The following WDR20 variants were observed in gnomAD, a reference collection of about 807,000 sequenced individuals.
WDR20 encodes the protein WD repeat-containing protein 20.
WDR20 carries 3 observed loss-of-function variants against 38.7 expected under a neutral mutation model. The ratio of observed to expected loss-of-function variants is 0.08; its 90% CI spans 0.04 to 0.20. WDR20 has a LOEUF of 0.20. WDR20 is among the 10% of genes least tolerant of loss of function. The probability of loss-of-function intolerance (pLI) is 1.00; values close to 1 mark genes in which losing one functional copy is unlikely to be tolerated. For missense variants in WDR20, 559 were observed against 727.7 expected, an observed-to-expected ratio of 0.77 and a Z score of 2.67; for synonymous variants, 298 against 285.6, an observed-to-expected ratio of 1.04 and a Z score of -0.44.
upstream of WDR20, chr14:102,139,625 G>C (rs1159572333): frequency 7.8e-6 from 5 of 645,082 alleles, no homozygotes; most frequent in South Asian, 1.0e-4. Context: ...CGGTCAACTA[G>C]ACCCCACTAG....
intron 1 of WDR20, among the ~76,000 whole-genome samples, chr14:102,153,009 G>T (rs1467707725): frequency 6.6e-6 from 1 of 152,090 alleles, no homozygotes; most frequent in African/African-American, 2.4e-5. Flanking sequence ...TTGGAGGTGG[G>T]GCCTGGTGGG....
intron 1 of WDR20, among the ~76,000 whole-genome samples, chr14:102,144,857 G>A (rs1057070767): frequency 6.6e-6 from 1 of 152,032 alleles, no homozygotes; most frequent in African/African-American, 2.4e-5. Flanking sequence ...GTGCCACCAT[G>A]CCCAGCTCAT....
At chr14:102,217,610 G>A (rs2063372675), downstream of WDR20, among the ~76,000 whole-genome samples, 1 of 152,164 alleles carries the variant, frequency 6.6e-6, no homozygotes, top group Non-Finnish European at 1.5e-5. Flanking sequence ...TCCCTGGGCT[G>A]GGCCCAGGGT....
chr14:102,142,275 AT>A (rs565281636), intron 1 of WDR20, among the ~76,000 whole-genome samples: 7 of 152,074 alleles, frequency 4.6e-5, no homozygotes, highest in African/African-American at 1.4e-4. Flanking sequence ...TAACTTAAAC[AT>A]TTTTTTCCAT....
intron 1 of WDR20, among the ~76,000 whole-genome samples, chr14:102,192,840 C>T (rs991138962): frequency 6.6e-6 from 1 of 151,972 alleles, no homozygotes; most frequent in African/African-American, 2.4e-5. Context: ...ATTTGTCTTG[C>T]TATGTCATCT....
intron 1 of WDR20, among the ~76,000 whole-genome samples, chr14:102,165,353 T>C (rs1211823844): frequency 6.6e-6 from 1 of 152,210 alleles, no homozygotes; most frequent in Non-Finnish European, 1.5e-5. Context: ...GTTTGTCAAT[T>C]AAAATTTTTT....
chr14:102,181,329 A>G (rs2063329835), intron 1 of WDR20, among the ~76,000 whole-genome samples: 1 of 152,176 alleles, frequency 6.6e-6, no homozygotes, highest in South Asian at 2.1e-4. Context: ...TTTGGGTTAG[A>G]TTACCTTAGT....
At position 102,152,355 on chromosome 14, in the gene WDR20, T is replaced by C. The variant is rs576886127; in HGVS notation, c.249+12183T>C. Among the ~76,000 whole-genome samples, 25 of 152,204 alleles carry C rather than the reference T, an allele frequency of 1.6e-4. 1 individual carries two copies. The East Asian group carries it at 2.9e-3, about 18-fold the overall frequency. The stretch of plus-strand genomic sequence containing the variant: ...GACATTATTAATAACATATTAATCA[T>C]GTTAATAATAGTGTGGATTATGGAT... On this transcript the variant is annotated intron_variant, in intron 1 of 2. Coordinates refer to ENST00000342702, the MANE Select transcript of WDR20 (RefSeq NM_144574.4).
chr14:102,215,684 C>T (rs536631962), downstream of WDR20, among the ~76,000 whole-genome samples: 4 of 152,278 alleles, frequency 2.6e-5, no homozygotes, highest in South Asian at 8.3e-4. Flanking sequence ...TGTCTGCCTA[C>T]TCCTCATCTT....
chr14:102,188,736 T>C (rs1335212689), intron 1 of WDR20, among the ~76,000 whole-genome samples: 1 of 151,222 alleles, frequency 6.6e-6, no homozygotes, highest in Non-Finnish European at 1.5e-5. Flanking sequence ...TAGTTGGGCA[T>C]GGTGGCACGC....
At chr14:102,173,186 C>T (rs953102645) in intron 1 of WDR20, among the ~76,000 whole-genome samples, 1 of 150,964 alleles carries the variant, frequency 6.6e-6, no homozygotes, top group East Asian at 1.9e-4. Flanking sequence ...CATCTCAGCT[C>T]ACTGCAACCT....
chr14:102,216,791 G>T (rs536889988), downstream of WDR20, among the ~76,000 whole-genome samples: 1 of 152,264 alleles, frequency 6.6e-6, no homozygotes, highest in South Asian at 2.1e-4. Context: ...TTAGCCGGGC[G>T]TGGTGGCGGG....
At chr14:102,185,726 G>A (rs2064506595) in intron 1 of WDR20, among the ~76,000 whole-genome samples, 1 of 151,510 alleles carries the variant, frequency 6.6e-6, no homozygotes, top group African/African-American at 2.4e-5. Context: ...ACCCAAGAAG[G>A]CATTTATTCT....
chr14:102,191,869 T>G (rs1448347744), intron 1 of WDR20, among the ~76,000 whole-genome samples: 1 of 152,192 alleles, frequency 6.6e-6, no homozygotes, highest in Admixed American at 6.5e-5. Context: ...CAGATCAACT[T>G]TAAAAAAATT....
intron 1 of WDR20, among the ~76,000 whole-genome samples, chr14:102,170,903 C>CT (rs1023394202): frequency 6.6e-6 from 1 of 151,944 alleles, no homozygotes; most frequent in African/African-American, 2.4e-5. Flanking sequence ...TAGAAATTTG[C>CT]TTTTTTTCCC....
At chr14:102,218,103 G>A (rs182173149), downstream of WDR20, among the ~76,000 whole-genome samples, 4 of 152,362 alleles carry the variant, frequency 2.6e-5, no homozygotes, top group East Asian at 1.9e-4. Flanking sequence ...CTTTGTCCAC[G>A]ATCTCAGGAG....
At chr14:102,182,877 T>A (rs1430753017) in intron 1 of WDR20, among the ~76,000 whole-genome samples, 2 of 152,134 alleles carry the variant, frequency 1.3e-5, no homozygotes, top group East Asian at 3.8e-4. Context: ...AGACTTTTTT[T>A]ATTCCATAAA....
intron 1 of WDR20, among the ~76,000 whole-genome samples, chr14:102,174,841 T>A (rs1377012705): frequency 6.6e-6 from 1 of 152,258 alleles, no homozygotes; most frequent in Non-Finnish European, 1.5e-5. Flanking sequence ...ACTGTCAATT[T>A]GTATATCTTC....
intron 1 of WDR20, among the ~76,000 whole-genome samples, chr14:102,182,520 T>C (rs1004639187): frequency 1.3e-5 from 2 of 150,436 alleles, no homozygotes; most frequent in Admixed American, 1.3e-4. Context: ...GTTGATGATA[T>C]ATCATTCCCA....
Sources: allele counts gnomAD v4.1 joint callset (sites outside exome capture counted in the v4.1 genomes callset), GRCh38; gene constraint gnomAD v4.1.1; transcripts MANE v1.5; gene names NCBI Gene and HGNC (gene_info 2026-07-23, HGNC 2026-07-21).